The following CSMD1 variants were observed in gnomAD, a reference collection of about 807,000 sequenced individuals.
CSMD1 encodes the protein CUB and sushi domain-containing protein 1.
CSMD1 carries 213 observed loss-of-function variants against 417.5 expected under a neutral mutation model. That is an observed-to-expected ratio of 0.51 (90% CI 0.46 to 0.57). The LOEUF (loss-of-function observed/expected upper bound fraction) is 0.57, where lower values mean the gene tolerates loss of function less well. Among genes scored for constraint, CSMD1 ranks in the 20% least tolerant of loss-of-function variants. The pLI is 0.00. For synonymous variants in CSMD1, 2,862 were observed against 1,736.8 expected (o/e 1.65, Z -16.11); for missense variants, 6,923 against 4,529.7 (o/e 1.53, Z -15.17).
At chr8:3,175,198 T>G (rs1362646635) in intron 37 of CSMD1, among the ~76,000 whole-genome samples, 2 of 152,320 alleles carry the variant, frequency 1.3e-5, no homozygotes, top group Non-Finnish European at 2.9e-5. Flanking sequence ...CATTCAACTA[T>G]ACTAAAAATG....
chr8:3,602,789 A>G (rs147253996), intron 8 of CSMD1, among the ~76,000 whole-genome samples: 162 of 152,232 alleles, frequency 1.1e-3, no homozygotes, highest in African/African-American at 3.8e-3. Context: ...GAGCATTTAT[A>G]TTCAAATAGT....
chr8:4,268,571 T>G (rs895638953), intron 3 of CSMD1, among the ~76,000 whole-genome samples: 2 of 152,176 alleles, frequency 1.3e-5, no homozygotes, highest in African/African-American at 2.4e-5. Flanking sequence ...TAGAGATGAA[T>G]ATCCTCATTT....
At chr8:4,398,618 A>G (rs746668865) in intron 3 of CSMD1, among the ~76,000 whole-genome samples, 1 of 151,826 alleles carries the variant, frequency 6.6e-6, no homozygotes, top group Non-Finnish European at 1.5e-5. Flanking sequence ...GATTGTCTCG[A>G]TCTCCTGACC....
At chr8:4,087,518 G>C (rs1029690987) in intron 3 of CSMD1, among the ~76,000 whole-genome samples, 5 of 152,072 alleles carry the variant, frequency 3.3e-5, no homozygotes, top group African/African-American at 1.2e-4. Flanking sequence ...ATCCTCTCTG[G>C]TGTCAAAAAG....
chr8:4,395,573 G>C (rs886460448), intron 3 of CSMD1, among the ~76,000 whole-genome samples: 16 of 151,716 alleles, frequency 1.1e-4, no homozygotes, highest in African/African-American at 3.6e-4. Flanking sequence ...CTGAAAGAAA[G>C]GCCAAGAGGA....
chr8:3,908,064 A>G (rs553674798), intron 5 of CSMD1, among the ~76,000 whole-genome samples: 3 of 152,170 alleles, frequency 2.0e-5, no homozygotes, highest in Non-Finnish European at 2.9e-5. Context: ...TGACTCTCAA[A>G]TTGCAGTCAC....
intron 26 of CSMD1, among the ~76,000 whole-genome samples, chr8:3,276,033 C>G (rs13272863): frequency 0.24 from 35,718 of 151,968 alleles, 4,368 homozygotes; most frequent in East Asian, 0.3. Context: ...AGTTTTTCTG[C>G]TCTGTTTTTT....
intron 1 of CSMD1, among the ~76,000 whole-genome samples, chr8:4,837,632 G>A (rs1800576647): frequency 6.6e-6 from 1 of 152,086 alleles, no homozygotes; most frequent in African/African-American, 2.4e-5. Flanking sequence ...GGGAGTTGCT[G>A]GGGAGGTAGG....
intron 3 of CSMD1, among the ~76,000 whole-genome samples, chr8:4,116,508 C>T (rs1445956053): frequency 4.7e-5 from 6 of 126,686 alleles, no homozygotes; most frequent in Non-Finnish European, 4.9e-5. Context: ...ACACATCCGA[C>T]GGCGATGTAT....
intron 1 of CSMD1, among the ~76,000 whole-genome samples, chr8:4,647,377 T>G (rs1449399399): frequency 6.6e-6 from 1 of 151,418 alleles, no homozygotes; most frequent in Non-Finnish European, 1.5e-5. Flanking sequence ...GCTACGTAGG[T>G]ACGCGTGTGC....
chr8:3,848,034 T>C (rs1803628807), intron 5 of CSMD1, among the ~76,000 whole-genome samples: 1 of 152,146 alleles, frequency 6.6e-6, no homozygotes, highest in South Asian at 2.1e-4. Flanking sequence ...CACATGTTTT[T>C]ATTTTGTCTA....
intron 1 of CSMD1, among the ~76,000 whole-genome samples, chr8:4,675,363 G>A (rs1805607631): frequency 6.6e-6 from 1 of 152,090 alleles, no homozygotes; most frequent in African/African-American, 2.4e-5. Flanking sequence ...TTTGACATTT[G>A]AAAAATACAG....
In CSMD1 at chr8:3,730,370, ATTT is replaced by A. The variant is rs374243053; in HGVS notation, c.932-21882_932-21880del. ...TGCTCCCAAAAAAATTTAAGGAGCG[ATTT>A]TTTTTTTTTTTTTGCCCTGTGTCTG... On this transcript the variant is annotated intron_variant, in intron 6 of 69. Coordinates refer to ENST00000635120, the MANE Select transcript of CSMD1 (RefSeq NM_033225.6). Among the ~76,000 whole-genome samples the A allele has an allele frequency of 1.9e-3, 247 of 131,862 alleles. 3 individuals are homozygous for A. The highest frequency in any genetic ancestry group is 6.3e-3 in the African/African-American group (229 of 36,100). The allele number at this position is 131,862 out of a possible 152,430, so 86.5% of individuals were successfully genotyped here.
chr8:3,119,904 G>A lies in CSMD1; in HGVS notation c.6242-1317C>T, dbSNP rs1413582773. Among the ~76,000 whole-genome samples the A allele has an allele frequency of 7.9e-5, 12 of 152,154 alleles. 1 individual carries two copies. Among genetic ancestry groups the A allele is most frequent in the Admixed American group, 7.9e-4 (12 of 15,276 alleles). ...AAATAGCATGAGGTCACCGGTCACT[G>A]TCCTCACAATCAACTGAAAATCAAG... On this transcript the variant is annotated intron_variant, in intron 41 of 69. Coordinates refer to ENST00000635120, the MANE Select transcript of CSMD1 (RefSeq NM_033225.6).
intron 1 of CSMD1, among the ~76,000 whole-genome samples, chr8:4,824,497 C>T (rs1289651775): frequency 6.6e-6 from 1 of 152,120 alleles, no homozygotes; most frequent in East Asian, 1.9e-4. Context: ...GGTTTTTAAA[C>T]AGAGTAGTCC....
chr8:4,081,517 T>C (rs1458347573), intron 3 of CSMD1, among the ~76,000 whole-genome samples: 1 of 151,748 alleles, frequency 6.6e-6, no homozygotes, highest in East Asian at 1.9e-4. Flanking sequence ...GGAACTGGGG[T>C]CCCCCTACCA....
At chr8:4,721,581 G>C (rs1229404472) in intron 1 of CSMD1, among the ~76,000 whole-genome samples, 6 of 152,154 alleles carry the variant, frequency 3.9e-5, no homozygotes, top group Admixed American at 1.3e-4. Flanking sequence ...AAGATGTAAA[G>C]AAATGAACTG....
At chr8:4,758,163 A>G (rs893425869) in intron 1 of CSMD1, among the ~76,000 whole-genome samples, 4 of 151,950 alleles carry the variant, frequency 2.6e-5, no homozygotes, top group Non-Finnish European at 5.9e-5. Flanking sequence ...TTCTGCTTGG[A>G]GGTGTTTGCA....
At chr8:3,180,134 A>C (rs191839401) in intron 37 of CSMD1, among the ~76,000 whole-genome samples, 1 of 152,362 alleles carries the variant, frequency 6.6e-6, no homozygotes, top group African/African-American at 2.4e-5. Context: ...GCTTGAAAAC[A>C]GGTCCTAAAA....
Sources: gnomAD v4.1 joint callset for allele counts (sites outside exome capture counted in the v4.1 genomes callset) on GRCh38, gnomAD v4.1.1 for gene constraint, MANE v1.5 for transcripts, NCBI Gene and HGNC (gene_info 2026-07-23, HGNC 2026-07-21) for gene names.